The following ITK variants were observed in gnomAD, a reference collection of about 807,000 sequenced individuals.
ITK encodes IL2 inducible T cell kinase.
ITK carries 45 observed loss-of-function variants against 87.6 expected under a neutral mutation model. That is an observed-to-expected ratio of 0.51 (90% confidence interval 0.40 to 0.66). ITK has a LOEUF of 0.66. ITK is among the 30% of genes least tolerant of loss of function. ITK has a pLI of 0.00. For missense variants in ITK, 605 were observed against 766.3 expected, an observed-to-expected ratio of 0.79 and a Z score of 2.48; for synonymous variants, 303 against 273.6, an observed-to-expected ratio of 1.11 and a Z score of -1.06.
intron 8 of ITK, among the ~76,000 whole-genome samples, chr5:157,233,659 TG>T (rs1337325430): frequency 3.9e-5 from 6 of 152,172 alleles, no homozygotes; most frequent in Admixed American, 3.3e-4. Context: ...GCTGCCAGGC[TG>T]TGTTATTGGA....
intron 7 of ITK, among the ~76,000 whole-genome samples, chr5:157,229,349 A>C (rs1754601237): frequency 6.6e-6 from 1 of 152,214 alleles, no homozygotes; most frequent in Non-Finnish European, 1.5e-5. Flanking sequence ...GGCCCGTCTG[A>C]AACAGTCAAT....
At chr5:157,218,852 A>G (rs1420482311) in intron 5 of ITK, among the ~76,000 whole-genome samples, 2 of 152,162 alleles carry the variant, frequency 1.3e-5, no homozygotes, top group African/African-American at 4.8e-5. Flanking sequence ...TGTTAGAAAT[A>G]CAAATTCTTA....
At chr5:157,226,904 G>A (rs563425466) in intron 6 of ITK, among the ~76,000 whole-genome samples, 50 of 151,892 alleles carry the variant, frequency 3.3e-4, no homozygotes, top group African/African-American at 7.5e-4. Flanking sequence ...GCCCCCACCC[G>A]CCACCACCCA....
rs1219550066 is a variant in ITK at position 157,210,547 on chromosome 5, AT to A, written c.244-731del. 1.3e-3 allele frequency among the ~76,000 whole-genome samples: 186 copies of A among 143,630 alleles called. 2 individuals carry two copies. Among genetic ancestry groups the A allele is most frequent in the African/African-American group, 3.0e-3 (120 of 39,348 alleles). 94.2% of individuals were successfully genotyped at this position (143,630 alleles called of 152,430 possible). On this transcript the variant is annotated intron_variant, in intron 2 of 16. Transcript: ENST00000422843. ...AATCTCTTGGTTTTTTTTTTTTTTAATTTTTTTTTATTATACTTTAAGTTTT... is the reference window on the plus strand; with the variant it reads ...AATCTCTTGGTTTTTTTTTTTTTTAATTTTTTTTATTATACTTTAAGTTTT...
intron 1 of ITK, among the ~76,000 whole-genome samples, chr5:157,189,652 G>A (rs1182741019): frequency 6.6e-6 from 1 of 152,186 alleles, no homozygotes; most frequent in Non-Finnish European, 1.5e-5. Context: ...CTGCACTCCA[G>A]CCTGGGCGAC....
At chr5:157,211,402 A>G (rs747688741) in intron 3 of ITK, 34 bp downstream of exon 3, 1 of 1,517,784 alleles carries the variant, frequency 6.6e-7, no homozygotes, top group Admixed American at 1.7e-5. Context: ...AATCACTGAC[A>G]CTCTTGATCC....
intron 5 of ITK, 109 bp from the exon 6 acceptor site, chr5:157,222,750 TAAAG>T (rs1754444753): frequency 8.0e-6 from 8 of 1,003,456 alleles, no homozygotes; most frequent in Admixed American, 3.7e-5. Context: ...CTCTAACTCA[TAAAG>T]AAAGTCTACC....
At chr5:157,224,653 C>A (rs1404341764) in intron 6 of ITK, among the ~76,000 whole-genome samples, 1 of 152,142 alleles carries the variant, frequency 6.6e-6, no homozygotes, top group East Asian at 1.9e-4. Context: ...TGGTGGCAGG[C>A]GCCTGTGATT....
rs1013496341 is a variant in ITK, at chr5:157,181,195, C to T, written c.138+80C>T. The T allele has an allele frequency of 2.2e-5, 30 of 1,378,682 alleles. No homozygotes were observed. The South Asian group carries it at 3.1e-4, about 14-fold the overall frequency. The allele number at this position is 1,378,682 out of a possible 1,614,324, so 85.4% of individuals were successfully genotyped here. ...GGCTAATGCAAAAATATATACATAG[C>T]ATAAAATAGAGCACAGGAAACACAA... On this transcript the variant is annotated intron_variant, in intron 1 of 16. Transcript: ENST00000422843.
At chr5:157,243,877 G>GA in intron 12 of ITK, 83 bp downstream of exon 12, 4 of 1,304,218 alleles carry the variant, frequency 3.1e-6, no homozygotes, top group Non-Finnish European at 4.4e-6. Context: ...AAACGCCAGG[G>GA]GGTACTATCT....
chr5:157,243,558 C>T (rs1031333888), intron 11 of ITK, 65 bp from the exon 12 acceptor site: 1 of 1,342,522 alleles, frequency 7.4e-7, no homozygotes, highest in South Asian at 1.2e-5. Context: ...TTATAGTCCC[C>T]TGGTATCCCA....
intron 1 of ITK, among the ~76,000 whole-genome samples, chr5:157,207,903 G>T (rs921543369): frequency 3.3e-5 from 5 of 152,194 alleles, no homozygotes; most frequent in African/African-American, 9.7e-5. Context: ...TAGATGTTAA[G>T]GACTTAGACT....
rs573328436 is a variant in ITK at position 157,185,177 on chromosome 5, C to T, written c.138+4062C>T. On this transcript the variant is annotated intron_variant, in intron 1 of 16. Coordinates refer to ENST00000422843, the MANE Select transcript of ITK (RefSeq NM_005546.4). ...CAGACAGATCTGGGTCAAAAACTAG[C>T]TCACATTTGATCTGTGTGATTTTGT... is the stretch of plus-strand genomic sequence containing the variant. 7.9e-5 allele frequency among the ~76,000 whole-genome samples: 12 copies of T among 152,216 alleles called. No homozygotes were observed. The South Asian group carries it at 2.5e-3, about 32-fold the overall frequency.
chr5:157,228,313 C>T lies in ITK; in HGVS notation c.665C>T (p.Pro222Leu). ...TTTAACAGGCATGAAGGATATGTAC[C>T]AAGCAGTTATCTGGTGGAAAAATCT... ...QDRNGHEGYV[P>L]SSYLVEKSPN... Residue 222 changes from proline (P) to leucine (L), a missense_variant, in exon 7 of 17, where the codon CCA (proline) becomes CTA (leucine). Pro to Leu is a moderately conservative substitution (Grantham distance 98). Around this residue, in one of 3 missense-constraint regions of ITK, gnomAD observed 464 missense variants for 578.0 expected, o/e 0.80. Transcript: ENST00000422843. The T allele has an allele frequency of 6.2e-7, 1 of 1,602,086 alleles. No individual in the cohort carries two copies.
At position 157,209,328 on chromosome 5, in the gene ITK, C is replaced by CAA. The variant is rs34768868; in HGVS notation, c.243+352_243+353dup. On this transcript the variant is annotated intron_variant, in intron 2 of 16. Transcript: ENST00000422843. ...CCCAGGCAACAGAGTGAGACTCCGT[C>CAA]AAAAAAAAAAAAAAAAAATCCTCAG... Among the ~76,000 whole-genome samples, 1,170 of 122,582 alleles carry CAA rather than the reference C, an allele frequency of 9.5e-3. 21 individuals carry two copies. The highest frequency in any genetic ancestry group is 0.026 in the African/African-American group (897 of 35,052). 80.4% of individuals were successfully genotyped at this position (122,582 alleles called of 152,430 possible). A position where few individuals can be genotyped will look rare whatever the true frequency, so the allele number is the denominator to read the frequency against.
In ITK at chr5:157,253,621, C is replaced by A. The variant is rs1195388557; in HGVS notation, c.*943C>A. On this transcript the variant is annotated 3_prime_UTR_variant, in exon 17 of 17. Coordinates refer to ENST00000422843, the MANE Select transcript of ITK (RefSeq NM_005546.4). ...TTTTCCAGCCTCTGGGAATCAGCCC[C>A]CCCTCTCTGCACTATCCGATCCTCA... is the stretch of plus-strand genomic sequence containing the variant. The A allele has an allele frequency of 4.4e-6, 1 of 228,124 alleles. No individual in the cohort carries two copies. The highest frequency in any genetic ancestry group is 2.2e-5 in the African/African-American group (1 of 45,182). 14.1% of individuals were successfully genotyped at this position (228,124 alleles called of 1,614,324 possible).
intron 15 of ITK, 40 bp downstream of exon 15, chr5:157,246,039 C>A: frequency 7.4e-7 from 1 of 1,357,398 alleles, no homozygotes; most frequent in Non-Finnish European, 1.1e-6. Context: ...ATGATCTGGG[C>A]TTCAGGCCAG....
rs777757937 is a variant in ITK at position 157,243,743 on chromosome 5, G to T, written c.1181G>T (p.Arg394Leu). 6.2e-7 allele frequency: 1 copy of T among 1,613,992 alleles called. No individual in the cohort carries two copies. Among genetic ancestry groups the T allele is most frequent in the South Asian group, 1.1e-5 (1 of 91,080 alleles). Reference sequence around the variant, plus strand: ...GACAAGGTGGCTATCAAAACCATTCGGGAAGGGGCTATGTCAGAAGAGGAC... The same window carrying T: ...GACAAGGTGGCTATCAAAACCATTCTGGAAGGGGCTATGTCAGAAGAGGAC... ...NKDKVAIKTI[R>L]EGAMSEEDFI... Residue 394 changes from arginine (R) to leucine (L), a missense_variant, in exon 12 of 17, where the codon CGG (arginine) becomes CTG (leucine). Coordinates refer to ENST00000422843, the MANE Select transcript of ITK (RefSeq NM_005546.4).
At chr5:157,232,007 A>G (rs1754666840) in intron 7 of ITK, among the ~76,000 whole-genome samples, 1 of 152,182 alleles carries the variant, frequency 6.6e-6, no homozygotes, top group African/African-American at 2.4e-5. Flanking sequence ...TTTCCAATGT[A>G]TACAAAAGTA....
Sources: allele counts gnomAD v4.1 joint callset (sites outside exome capture counted in the v4.1 genomes callset), GRCh38; gene constraint gnomAD v4.1.1; regional missense constraint gnomAD v4.1.1; transcripts MANE v1.5; gene names NCBI Gene and HGNC (gene_info 2026-07-23, HGNC 2026-07-21).